Variants in RDH13 observed in about 807,000 individuals in gnomAD.
The protein encoded by RDH13 is retinol dehydrogenase 13 (all-trans and 9-cis).
In RDH13, 35 loss-of-function variants were observed where a neutral mutation model predicts 28.3. The observed-to-expected ratio is 1.24, with a 90% CI of 0.95 to 1.64. RDH13 has a LOEUF of 1.64. Ranked by LOEUF, RDH13 falls within the 40% of genes most tolerant of loss-of-function variation. The probability of loss-of-function intolerance (pLI) is 0.00; values close to 1 mark genes in which losing one functional copy is unlikely to be tolerated. For missense variants in RDH13, 514 were observed against 446.3 expected, an observed-to-expected ratio of 1.15 and a Z score of -1.37; for synonymous variants, 229 against 198.5, an observed-to-expected ratio of 1.15 and a Z score of -1.29.
intron 1 of RDH13, among the ~76,000 whole-genome samples, chr19:55,061,336 G>A (rs2075800906): frequency 6.6e-6 from 1 of 151,932 alleles, no homozygotes; most frequent in African/African-American, 2.4e-5. Flanking sequence ...TTACCACGTT[G>A]GTCAGGCTGG....
intron 3 of RDH13, among the ~76,000 whole-genome samples, chr19:55,052,684 T>TG (rs1428632899): frequency 2.0e-5 from 3 of 148,810 alleles, no homozygotes; most frequent in East Asian, 4.0e-4. Flanking sequence ...TTTTTTGAGA[T>TG]GGAGTCTCAC....
At chr19:55,061,525 TCA>T (rs2075805955) in intron 1 of RDH13, among the ~76,000 whole-genome samples, 1 of 150,074 alleles carries the variant, frequency 6.7e-6, no homozygotes, top group South Asian at 2.2e-4. Context: ...GCACAGTGCC[TCA>T]CACCTGTAAT....
upstream of RDH13, among the ~76,000 whole-genome samples, chr19:55,065,315 T>C (rs1055325427): frequency 6.6e-6 from 1 of 151,556 alleles, no homozygotes; most frequent in Non-Finnish European, 1.5e-5. Context: ...GCCCAGGAGG[T>C]CAAGGCTATG....
chr19:55,055,881 G>A lies in RDH13; in HGVS notation c.340+772C>T, dbSNP rs760278901. On this transcript the variant is annotated intron_variant, in intron 3 of 6. Transcript: ENST00000415061. Reference sequence around the variant, plus strand: ...CAAACTAATTATTCAGGTAGGGCACGGTGGCTCACACCTGTAATCCCAGCA... The same window carrying A: ...CAAACTAATTATTCAGGTAGGGCACAGTGGCTCACACCTGTAATCCCAGCA... 3.6e-4 allele frequency among the ~76,000 whole-genome samples: 54 copies of A among 151,834 alleles called. 1 individual carries two copies. The highest frequency in any genetic ancestry group is 2.1e-3 in the Admixed American group (32 of 15,242).
intron 1 of RDH13, chr19:55,068,411 G>T (rs139975620): frequency 6.6e-6 from 1 of 152,280 alleles, no homozygotes; most frequent in African/African-American, 2.4e-5. Flanking sequence ...GGTGGCACGC[G>T]CCTGTAGTCC....
At chr19:55,049,393 C>T (rs957352759) in intron 3 of RDH13, among the ~76,000 whole-genome samples, 4 of 152,200 alleles carry the variant, frequency 2.6e-5, no homozygotes, top group Admixed American at 1.3e-4. Flanking sequence ...AGACTGCAGC[C>T]TCAGTTTCCT....
intron 1 of RDH13, among the ~76,000 whole-genome samples, chr19:55,061,277 G>A (rs1841713054): frequency 6.6e-6 from 1 of 152,094 alleles, no homozygotes; most frequent in Admixed American, 6.5e-5. Flanking sequence ...ACAGGCACAT[G>A]CCACCACACC....
At chr19:55,056,509 A>G in intron 3 of RDH13, 144 bp downstream of exon 3, 1 of 961,018 alleles carries the variant, frequency 1.0e-6, no homozygotes, top group Non-Finnish European at 1.5e-6. Flanking sequence ...GCTGTACAAA[A>G]AAAGGCAGCA....
In RDH13 at chr19:55,047,443, G is replaced by A. The variant is rs1338352965; in HGVS notation, c.704C>T (p.Thr235Ile). 6.2e-7 allele frequency: 1 copy of A among 1,611,074 alleles called. No homozygotes were observed. The highest frequency in any genetic ancestry group is 1.7e-5 in the Admixed American group (1 of 59,988). ...GATGCCCGTGTGTCTGCCCAGCTCT[G>A]TCCTGGCCACGCCGGGGTGCAGGGC... ...VNALHPGVAR[T>I]ELGRHTGIHG... Residue 235 changes from threonine to isoleucine, a missense_variant, in exon 6 of 7, where the codon ACA (threonine) becomes ATA (isoleucine). Coordinates refer to ENST00000415061, the MANE Select transcript of RDH13 (RefSeq NM_001145971.2).
chr19:55,043,778 TCTGCACCTAAG>T (rs2075105990), downstream of RDH13, among the ~76,000 whole-genome samples: 1 of 152,186 alleles, frequency 6.6e-6, no homozygotes, highest in Non-Finnish European at 1.5e-5. Flanking sequence ...CTCCTTCGGT[TCTGCACCTAAG>T]CTAAGAGCCC....
chr19:55,056,279 C>T (rs986695798), intron 3 of RDH13, among the ~76,000 whole-genome samples: 3 of 152,224 alleles, frequency 2.0e-5, no homozygotes, highest in Admixed American at 6.5e-5. Context: ...GCCTGGCCAA[C>T]GTGGTGAAAC....
intron 3 of RDH13, 76 bp downstream of exon 3, chr19:55,056,577 T>A: frequency 6.5e-7 from 1 of 1,537,456 alleles, no homozygotes; most frequent in East Asian, 2.3e-5. Context: ...GTTTGCTTGC[T>A]TCATTCACTT....
intron 5 of RDH13, chr19:55,048,075 C>T (rs2075296498): frequency 1.3e-6 from 2 of 1,490,722 alleles, no homozygotes; most frequent in Non-Finnish European, 1.8e-6. Flanking sequence ...GAGCTGCCTG[C>T]CCAACAGCAG....
chr19:55,066,769 T>C (rs142521177), upstream of RDH13, among the ~76,000 whole-genome samples: 21 of 151,932 alleles, frequency 1.4e-4, no homozygotes, highest in African/African-American at 3.6e-4. Flanking sequence ...CCCAACTCTC[T>C]TTCCCTACAC....
chr19:55,056,856 G>C (rs2075654305), intron 2 of RDH13, 48 bp from the exon 3 acceptor site: 1 of 1,494,614 alleles, frequency 6.7e-7, no homozygotes, highest in African/African-American at 1.4e-5. Flanking sequence ...TCCACTCCTG[G>C]GTACTGACCC....
upstream of RDH13, among the ~76,000 whole-genome samples, chr19:55,066,752 C>T (rs1270511490): frequency 6.6e-6 from 1 of 151,760 alleles, no homozygotes. Context: ...CTCTCTCTCC[C>T]TCTCCCCCCA....
intron 3 of RDH13, among the ~76,000 whole-genome samples, chr19:55,052,557 A>AG (rs1335046268): frequency 1.3e-5 from 2 of 151,428 alleles, no homozygotes; most frequent in Admixed American, 6.6e-5. Flanking sequence ...AAAAAAAAAA[A>AG]AAATCCCTCA....
At chr19:55,054,702 G>A (rs2075572540) in intron 3 of RDH13, among the ~76,000 whole-genome samples, 1 of 151,896 alleles carries the variant, frequency 6.6e-6, no homozygotes. Context: ...CTGAGTAGCT[G>A]GGACTGTAGG....
upstream of RDH13, among the ~76,000 whole-genome samples, chr19:55,065,854 A>G (rs2075950343): frequency 6.6e-6 from 1 of 152,154 alleles, no homozygotes; most frequent in Admixed American, 6.6e-5. Flanking sequence ...AGTAGCTGGG[A>G]TTACAGGCGC....
Sources: allele counts gnomAD v4.1 joint callset (sites outside exome capture counted in the v4.1 genomes callset), GRCh38; gene constraint gnomAD v4.1.1; transcripts MANE v1.5; gene names NCBI Gene and HGNC (gene_info 2026-07-23, HGNC 2026-07-21).